The following MFSD1 variants were observed in gnomAD, a reference collection of about 807,000 sequenced individuals.
MFSD1 encodes lysosomal dipeptide transporter MFSD1.
A neutral mutation model predicts 67.1 loss-of-function variants in MFSD1; 59 were observed. That is an observed-to-expected ratio of 0.88 (90% confidence interval 0.71 to 1.09). MFSD1 has a LOEUF of 1.09. Among genes scored for constraint, MFSD1 ranks in the 50% least tolerant of loss-of-function variants. The pLI is 0.00. For synonymous variants in MFSD1, 213 were observed against 200.3 expected (o/e 1.06, Z -0.54); for missense variants, 552 against 566.1 (o/e 0.97, Z 0.25).
intron 7 of MFSD1, among the ~76,000 whole-genome samples, chr3:158,816,093 G>A (rs1473698518): frequency 6.6e-6 from 1 of 151,892 alleles, no homozygotes; most frequent in Non-Finnish European, 1.5e-5. Context: ...TTGCTATTGT[G>A]AATAGTGCCG....
chr3:158,821,298 A>C (rs1730656446), intron 9 of MFSD1, among the ~76,000 whole-genome samples: 1 of 152,216 alleles, frequency 6.6e-6, no homozygotes, highest in South Asian at 2.1e-4. Flanking sequence ...TACTGCTTTT[A>C]AGGAAAAGAA....
At chr3:158,817,382 A>G (rs1730422299) in intron 7 of MFSD1, among the ~76,000 whole-genome samples, 1 of 152,220 alleles carries the variant, frequency 6.6e-6, no homozygotes. Context: ...CCTTAAGCTG[A>G]TAAGCAACTT....
At chr3:158,828,527 T>TA (rs2108242420) in intron 15 of MFSD1, among the ~76,000 whole-genome samples, 1 of 152,240 alleles carries the variant, frequency 6.6e-6, no homozygotes, top group East Asian at 1.9e-4. Flanking sequence ...AATGGTTAAA[T>TA]ATATCATGAC....
intron 13 of MFSD1, among the ~76,000 whole-genome samples, chr3:158,824,635 C>G (rs1311778725): frequency 6.6e-6 from 1 of 152,000 alleles, no homozygotes. Context: ...TAGTTTTTAC[C>G]TGTAATTTCA....
In MFSD1 at chr3:158,822,335, T is replaced by G. The variant is rs983772871; in HGVS notation, c.1077+195T>G. ...AATTATTAACATATAAGGTATCTTT[T>G]AATTTCATTTGATTTATTTAACCAG... On this transcript the variant is annotated intron_variant, in intron 11 of 15. Transcript: ENST00000415822. 1.9e-5 allele frequency: 7 copies of G among 363,208 alleles called. No homozygotes were observed. The South Asian group carries it at 5.7e-4, about 29-fold the overall frequency. The allele number at this position is 363,208 out of a possible 1,614,324, so 22.5% of individuals were successfully genotyped here.
chr3:158,808,893 T>C, intron 5 of MFSD1: 1 of 299,038 alleles, frequency 3.3e-6, no homozygotes, highest in Non-Finnish European at 6.2e-6. Context: ...CTCTTTGTGG[T>C]TTGCTGTCTC....
Position 158,818,137 on chromosome 3 carries a change from C to T in MFSD1, c.653-1512C>T, listed in dbSNP as rs78177268. Among the ~76,000 whole-genome samples the T allele has an allele frequency of 5.1e-3, 773 of 152,228 alleles. 9 individuals are homozygous for T. Among genetic ancestry groups the T allele is most frequent in the African/African-American group, 0.018 (749 of 41,524 alleles). On this transcript the variant is annotated intron_variant, in intron 7 of 15. Transcript: ENST00000415822. ...CCTGTGGTGTGCATTTGGCTGTTTG[C>T]AGGGCTGTAGAGAGACCTGTGTGAT...
At chr3:158,818,739 A>C (rs1730510996) in intron 7 of MFSD1, among the ~76,000 whole-genome samples, 1 of 152,130 alleles carries the variant, frequency 6.6e-6, no homozygotes, top group Non-Finnish European at 1.5e-5. Flanking sequence ...CTCCCTCTCA[A>C]ATCCTTTGCC....
chr3:158,805,527 C>G (rs931594448), intron 3 of MFSD1, 53 bp downstream of exon 3: 50 of 1,266,032 alleles, frequency 3.9e-5, no homozygotes, highest in Non-Finnish European at 5.7e-5. Flanking sequence ...TAGAAAAATA[C>G]AGAGCTAGAT....
chr3:158,805,789 C>G (rs1418121402), intron 3 of MFSD1, among the ~76,000 whole-genome samples: 1 of 152,178 alleles, frequency 6.6e-6, no homozygotes, highest in Non-Finnish European at 1.5e-5. Flanking sequence ...CCTGGCTGTT[C>G]TGAGCTGTTT....
chr3:158,821,993 T>C lies in MFSD1; in HGVS notation c.930T>C (p.Tyr310=). The C allele has an allele frequency of 6.2e-7, 1 of 1,613,710 alleles. No homozygotes were observed. Among genetic ancestry groups the C allele is most frequent in the Non-Finnish European group, 8.5e-7 (1 of 1,179,718 alleles). ...QAASAINSVV[Y]VISAPMSPVF... ...TGTGTTCTCTGGGCAGTGTTGTATA[T>C]GTCATATCAGCTCCCATGTCCCCGG... The change falls in exon 11 of 16, where the codon TAT becomes TAC. Residue 310 remains tyrosine (Y), a synonymous_variant. Transcript: ENST00000415822.
In MFSD1 at chr3:158,804,241, G is replaced by A. The variant is rs1729603999; in HGVS notation, c.164-78G>A. ...ACCCGTAGTATCAGCATTTAAAATT[G>A]TAATTTCAGTAGCAACTGCAACTTG... On this transcript the variant is annotated intron_variant, in intron 1 of 15. Transcript: ENST00000415822. The A allele has an allele frequency of 4.0e-6, 4 of 1,001,356 alleles. No individual in the cohort carries two copies. In the East Asian group the frequency reaches 1.0e-4, roughly 25 times the overall value. 62.0% of individuals were successfully genotyped at this position (1,001,356 alleles called of 1,614,324 possible). A position where few individuals can be genotyped will look rare whatever the true frequency, so the allele number is the denominator to read the frequency against.
At chr3:158,806,330 A>C (rs959886330) in intron 3 of MFSD1, among the ~76,000 whole-genome samples, 1 of 148,972 alleles carries the variant, frequency 6.7e-6, no homozygotes, top group Non-Finnish European at 1.5e-5. Context: ...TCAGATTGGC[A>C]GGAGATGACA....
intron 9 of MFSD1, 108 bp downstream of exon 9, chr3:158,820,434 T>C: frequency 1.4e-6 from 1 of 718,112 alleles, no homozygotes; most frequent in South Asian, 1.8e-5. Flanking sequence ...GGTTATAGTT[T>C]ATATTTTCAC....
intron 13 of MFSD1, among the ~76,000 whole-genome samples, chr3:158,824,688 A>G (rs1287856521): frequency 6.6e-6 from 1 of 152,198 alleles, no homozygotes; most frequent in African/African-American, 2.4e-5. Flanking sequence ...AAAAATATAT[A>G]AAAATAATAG....
chr3:158,809,182 T>G lies in MFSD1; in HGVS notation c.444T>G (p.Ile148Met), dbSNP rs1435462623. The stretch of plus-strand genomic sequence containing the variant: ...TTTTTTTTTTTTCTATTTTTAGGAT[T>G]GGTGGCGAGTCCTTAGCAGTTGCCC... ...LMEFGRFVFG[I>M]GGESLAVAQN... Residue 148 changes from isoleucine (I) to methionine (M), a missense_variant, in exon 6 of 16, where the codon ATT (isoleucine) becomes ATG (methionine). Physicochemically the swap from Ile to Met is conservative, Grantham distance 10 (BLOSUM62 1). Coordinates refer to ENST00000415822, the MANE Select transcript of MFSD1 (RefSeq NM_022736.4). 6.4e-7 allele frequency: 1 copy of G among 1,552,278 alleles called. No homozygotes were observed.
chr3:158,819,403 T>C (rs890504523), intron 7 of MFSD1: 6 of 324,564 alleles, frequency 1.8e-5, no homozygotes, highest in African/African-American at 4.3e-5. Flanking sequence ...TTTCTAGTCT[T>C]TTCCTTTTAA....
intron 15 of MFSD1, 107 bp from the exon 16 acceptor site, chr3:158,828,872 G>C (rs1731145270): frequency 1.3e-5 from 14 of 1,071,992 alleles, no homozygotes; most frequent in Admixed American, 5.3e-5. Flanking sequence ...GTGTAGCTTA[G>C]TATTTGCTAT....
rs530832229 is a variant in MFSD1, at chr3:158,816,502, T to A, written c.652+2435T>A. On this transcript the variant is annotated intron_variant, in intron 7 of 15. Transcript: ENST00000415822. ...CTTCGCTCACTTTTTGATGGGGTTG[T>A]TTTTTTCTTGTAAATTTGTTTGAGT... Among the ~76,000 whole-genome samples, 460 of 152,278 alleles carry A rather than the reference T, an allele frequency of 3.0e-3. 1 individual carries two copies. Among genetic ancestry groups the A allele is most frequent in the African/African-American group, 0.01 (423 of 41,548 alleles).
Sources: allele counts gnomAD v4.1 joint callset (sites outside exome capture counted in the v4.1 genomes callset), GRCh38; gene constraint gnomAD v4.1.1; transcripts MANE v1.5; gene names NCBI Gene and HGNC (gene_info 2026-07-23, HGNC 2026-07-21).